RBM26: variants seen among roughly 807,000 people sequenced by gnomAD.
RBM26 encodes RNA-binding protein 26.
Under a neutral mutation model 123.6 loss-of-function variants are expected in RBM26, and 30 were observed. The ratio of observed to expected loss-of-function variants is 0.24; its 90% CI spans 0.18 to 0.33. The LOEUF is 0.33. Ranked by LOEUF, RBM26 falls within the 10% of genes least tolerant of loss-of-function variation. RBM26 has a pLI of 1.00. For missense variants in RBM26, 947 were observed against 1,203.6 expected (o/e 0.79, Z 3.15); for synonymous variants, 400 against 404.4 (o/e 0.99, Z 0.13).
intron 20 of RBM26, among the ~76,000 whole-genome samples, chr13:79,331,035 G>A (rs961298168): frequency 1.4e-5 from 2 of 140,032 alleles, no homozygotes; most frequent in East Asian, 2.4e-4. Flanking sequence ...TGCTAAGATA[G>A]GGTCTGGCTC....
intron 14 of RBM26, among the ~76,000 whole-genome samples, chr13:79,346,287 C>T (rs1472616380): frequency 2.0e-5 from 3 of 152,126 alleles, no homozygotes; most frequent in Admixed American, 1.3e-4. Context: ...GAAATAAAAA[C>T]CTAAAATATT....
At chr13:79,395,226 C>A (rs1481216213) in intron 1 of RBM26, among the ~76,000 whole-genome samples, 3 of 152,116 alleles carry the variant, frequency 2.0e-5, no homozygotes, top group Non-Finnish European at 4.4e-5. Flanking sequence ...TGGAAACATA[C>A]TCAGAGACTG....
chr13:79,394,144 C>T (rs1222580731), intron 1 of RBM26, among the ~76,000 whole-genome samples: 1 of 152,238 alleles, frequency 6.6e-6, no homozygotes, highest in Non-Finnish European at 1.5e-5. Context: ...CTCCAACCTT[C>T]CCCTCTGCTG....
chr13:79,320,286 GTT>G lies in RBM26; in HGVS notation c.*333_*334del. 1 of 988,346 alleles carries G rather than the reference GTT, an allele frequency of 1.0e-6. No homozygotes were observed. Among genetic ancestry groups the G allele is most frequent in the Non-Finnish European group, 1.2e-6 (1 of 828,804 alleles). The allele number at this position is 988,346 out of a possible 1,614,324, so 61.2% of individuals were successfully genotyped here. A position where few individuals can be genotyped will look rare whatever the true frequency, so the allele number is the denominator to read the frequency against. On this transcript the variant is annotated 3_prime_UTR_variant, in exon 22 of 22. Coordinates refer to ENST00000438737, the MANE Select transcript of RBM26 (RefSeq NM_001366735.2). ...TTTGGAATAAAACAAAGTCCTCTAA[GTT>G]ATAACAAGTATTGGTCATAAGTTTT...
At chr13:79,395,237 T>G (rs928629508) in intron 1 of RBM26, among the ~76,000 whole-genome samples, 3 of 152,098 alleles carry the variant, frequency 2.0e-5, no homozygotes, top group Non-Finnish European at 2.9e-5. Flanking sequence ...TCAGAGACTG[T>G]CCAGATAATA....
At chr13:79,344,136 G>T in intron 16 of RBM26, 112 bp downstream of exon 16, 1 of 754,746 alleles carries the variant, frequency 1.3e-6, no homozygotes, top group East Asian at 2.5e-5. Flanking sequence ...ACAAATATTT[G>T]TTTTACCATT....
intron 3 of RBM26, among the ~76,000 whole-genome samples, chr13:79,372,770 TTATA>T (rs1203352439): frequency 1.2e-5 from 1 of 86,430 alleles, no homozygotes; most frequent in Non-Finnish European, 2.3e-5. Flanking sequence ...ATATTTTATA[TTATA>T]TATAATTATA....
rs752946456 is a variant in RBM26, at chr13:79,405,791, G to C, written c.-17C>G. On this transcript the variant is annotated 5_prime_UTR_variant, in exon 1 of 22. Transcript: ENST00000438737. ...AGAAACCATCCACAGCGGCCCTAAG[G>C]CCCGTCACACTCCTCCGCCCGCCCA... 1.3e-6 allele frequency: 2 copies of C among 1,526,776 alleles called. No individual in the cohort carries two copies. Among genetic ancestry groups the C allele is most frequent in the African/African-American group, 2.8e-5 (2 of 70,958 alleles). 94.6% of individuals were successfully genotyped at this position (1,526,776 alleles called of 1,614,324 possible). A position where few individuals can be genotyped will look rare whatever the true frequency, so the allele number is the denominator to read the frequency against.
chr13:79,355,263 T>C lies in RBM26; in HGVS notation c.1811A>G (p.His604Arg), dbSNP rs764671857. The C allele has an allele frequency of 1.2e-6, 2 of 1,614,070 alleles. No homozygotes were observed. Among genetic ancestry groups the C allele is most frequent in the South Asian group, 2.2e-5 (2 of 91,080 alleles). Residue 604 changes from histidine (H) to arginine (R), a missense_variant, in exon 12 of 22, where the codon CAC (histidine) becomes CGC (arginine). His to Arg is a conservative substitution (Grantham distance 29). Transcript: ENST00000438737. ...LNNRFIKVYW[H>R]REGSTQQLQT... ...TAACTGTTGGGTGCTTCCTTCTCTG[T>C]GCCAATAAACCTTAATAAAGCGATT...
At chr13:79,370,905 G>A (rs764202576) in intron 5 of RBM26, 40 bp downstream of exon 5, 4 of 1,566,654 alleles carry the variant, frequency 2.6e-6, no homozygotes, top group Non-Finnish European at 1.7e-6. Context: ...ATTTAAACAT[G>A]GAGTTTTTCA....
chr13:79,394,160 T>C (rs1307244155), intron 1 of RBM26, among the ~76,000 whole-genome samples: 5 of 152,202 alleles, frequency 3.3e-5, no homozygotes, highest in South Asian at 2.1e-4. Flanking sequence ...TGCTGGCACA[T>C]TGTGGGGACA....
chr13:79,315,399 T>G (rs1418046627), downstream of RBM26, among the ~76,000 whole-genome samples: 1 of 151,854 alleles, frequency 6.6e-6, no homozygotes, highest in East Asian at 1.9e-4. Context: ...TCCCAAAGAT[T>G]TCAAAGTAAT....
chr13:79,315,984 G>A (rs540891510), downstream of RBM26, among the ~76,000 whole-genome samples: 1 of 151,948 alleles, frequency 6.6e-6, no homozygotes, highest in South Asian at 2.1e-4. Context: ...GGTAGTTCCT[G>A]AGATCTGGGA....
chr13:79,354,292 A>C (rs1027372896), intron 13 of RBM26, 147 bp downstream of exon 13: 1 of 598,766 alleles, frequency 1.7e-6, no homozygotes, highest in African/African-American at 1.9e-5. Flanking sequence ...TAAAAAAAAA[A>C]AAACAACCTT....
chr13:79,355,507 T>C, intron 11 of RBM26, 123 bp from the exon 12 acceptor site: 1 of 678,406 alleles, frequency 1.5e-6, no homozygotes, highest in Non-Finnish European at 2.5e-6. Flanking sequence ...TACTTCTTGG[T>C]ATCTGGATTA....
intron 1 of RBM26, among the ~76,000 whole-genome samples, chr13:79,386,385 A>AGC (rs1275631689): frequency 6.6e-6 from 1 of 151,094 alleles, no homozygotes; most frequent in Non-Finnish European, 1.5e-5. Flanking sequence ...TGAGAACCAT[A>AGC]GCTTTAGAAG....
At chr13:79,377,780 T>G (rs1280836892) in intron 2 of RBM26, among the ~76,000 whole-genome samples, 1 of 152,016 alleles carries the variant, frequency 6.6e-6, no homozygotes, top group Non-Finnish European at 1.5e-5. Context: ...TGATGGCAGG[T>G]GCCTGTAATT....
Position 79,371,105 on chromosome 13 carries a change from G to C in RBM26, c.474C>G (p.Asn158Lys). ...CTCTGTATGAATCTCTTCGAGGAGGGTTTCGATCATAATCTCTTTTGCGAG... is the reference window on the plus strand; with the variant it reads ...CTCTGTATGAATCTCTTCGAGGAGGCTTTCGATCATAATCTCTTTTGCGAG... Reference protein sequence around the residue: ...DRSRKRDYDRNPPRRDSYRDR... With the variant: ...DRSRKRDYDRKPPRRDSYRDR... Residue 158 changes from asparagine (N) to lysine (K), a missense_variant, in exon 5 of 22, where the codon AAC becomes AAG. Around this residue, in one of 5 missense-constraint regions of RBM26, gnomAD observed 275 missense variants for 361.0 expected, o/e 0.76. Transcript: ENST00000438737. 1 of 1,614,086 alleles carries C rather than the reference G, an allele frequency of 6.2e-7. No individual in the cohort carries two copies. Among genetic ancestry groups the C allele is most frequent in the Non-Finnish European group, 8.5e-7 (1 of 1,180,018 alleles).
chr13:79,350,030 C>A (rs1040877568), intron 14 of RBM26, among the ~76,000 whole-genome samples: 4 of 152,134 alleles, frequency 2.6e-5, no homozygotes, highest in African/African-American at 7.2e-5. Flanking sequence ...CAAAGTTACA[C>A]AACAAATTCA....
Sources: gnomAD v4.1 joint callset for allele counts (sites outside exome capture counted in the v4.1 genomes callset) on GRCh38, gnomAD v4.1.1 for gene constraint, gnomAD v4.1.1 regional missense constraint, MANE v1.5 for transcripts, NCBI Gene and HGNC (gene_info 2026-07-23, HGNC 2026-07-21) for gene names.